Variants in REEP1 observed in about 807,000 individuals in gnomAD.
REEP1 encodes receptor expression-enhancing protein 1.
Under a neutral mutation model 40.3 loss-of-function variants are expected in REEP1, and 22 were observed. The observed-to-expected ratio is 0.55, with a 90% CI of 0.39 to 0.78. The LOEUF is 0.78. Ranked by LOEUF, REEP1 falls within the 30% of genes least tolerant of loss-of-function variation. The probability of loss-of-function intolerance (pLI) is 0.00; values close to 1 mark genes in which losing one functional copy is unlikely to be tolerated. For synonymous variants in REEP1, 116 were observed against 139.2 expected, an observed-to-expected ratio of 0.83 and a Z score of 1.17; for missense variants, 280 against 361.1, an observed-to-expected ratio of 0.78 and a Z score of 1.82.
At chr2:86,335,811 T>C (rs1392901449) in intron 1 of REEP1, among the ~76,000 whole-genome samples, 3 of 140,848 alleles carry the variant, frequency 2.1e-5, no homozygotes, top group Non-Finnish European at 4.5e-5. Context: ...ACTGTGCCAC[T>C]GCACTCTCCA....
chr2:86,260,751 G>A (rs562904884), intron 3 of REEP1, among the ~76,000 whole-genome samples: 1 of 152,264 alleles, frequency 6.6e-6, no homozygotes, highest in East Asian at 1.9e-4. Flanking sequence ...GGCCTGGAAG[G>A]GGAATCTTCT....
intron 1 of REEP1, among the ~76,000 whole-genome samples, chr2:86,302,097 C>T (rs1679277513): frequency 6.6e-6 from 1 of 152,250 alleles, no homozygotes; most frequent in Admixed American, 6.5e-5. Context: ...CTGCCTGCAG[C>T]TTGTGCCCAA....
chr2:86,284,077 G>A (rs1213241991), intron 1 of REEP1, among the ~76,000 whole-genome samples: 1 of 152,130 alleles, frequency 6.6e-6, no homozygotes, highest in Non-Finnish European at 1.5e-5. Context: ...GCAGGCCAAG[G>A]GGGAGGTGGC....
intron 1 of REEP1, among the ~76,000 whole-genome samples, chr2:86,305,594 T>C (rs1346476067): frequency 3.3e-5 from 5 of 152,206 alleles, no homozygotes; most frequent in Non-Finnish European, 7.3e-5. Context: ...AAATGTCTGA[T>C]TCAGCAGGTC....
chr2:86,298,286 C>G (rs10451631), intron 1 of REEP1, among the ~76,000 whole-genome samples: 16,088 of 152,160 alleles, frequency 0.11, 1,650 homozygotes, highest in African/African-American at 0.26. Context: ...CATGGAAGGG[C>G]AGATGTGGCA....
At chr2:86,259,134 C>T (rs933409570) in intron 3 of REEP1, among the ~76,000 whole-genome samples, 2 of 151,650 alleles carry the variant, frequency 1.3e-5, no homozygotes, top group African/African-American at 2.4e-5. Flanking sequence ...GGTGAAAATA[C>T]AAAAAATTAG....
intron 3 of REEP1, among the ~76,000 whole-genome samples, chr2:86,256,223 C>CTGTAATCCCAGCTACTCAGGGGGCTG (rs1676553401): frequency 1.3e-5 from 2 of 151,860 alleles, no homozygotes; most frequent in African/African-American, 4.8e-5. Flanking sequence ...TGGCGGGCAC[C>CTGTAATCCCAGCTACTCAGGGGGCTG]TGTAATCCCA....
chr2:86,306,684 G>T (rs1003640782), intron 1 of REEP1, among the ~76,000 whole-genome samples: 6 of 152,160 alleles, frequency 3.9e-5, no homozygotes, highest in African/African-American at 1.4e-4. Context: ...TTTGGTAGTA[G>T]TTCTCCTAAC....
At chr2:86,254,373 T>C (rs1469902601) in intron 4 of REEP1, among the ~76,000 whole-genome samples, 1 of 152,156 alleles carries the variant, frequency 6.6e-6, no homozygotes, top group African/African-American at 2.4e-5. Flanking sequence ...ATCATGTCTA[T>C]AAAAGGACAG....
At chr2:86,248,936 G>C (rs762989696) in intron 5 of REEP1, among the ~76,000 whole-genome samples, 1 of 152,036 alleles carries the variant, frequency 6.6e-6, no homozygotes, top group Middle Eastern at 3.2e-3. Flanking sequence ...GATTGATAAG[G>C]GCTCAGCCAG....
chr2:86,303,644 T>G (rs1417054526), intron 1 of REEP1, among the ~76,000 whole-genome samples: 1 of 152,044 alleles, frequency 6.6e-6, no homozygotes, highest in Non-Finnish European at 1.5e-5. Context: ...GTGTTACAGG[T>G]GTGAGCCCCA....
intron 1 of REEP1, among the ~76,000 whole-genome samples, chr2:86,300,017 T>C (rs1360768770): frequency 2.6e-5 from 4 of 152,020 alleles, no homozygotes; most frequent in African/African-American, 9.7e-5. Context: ...CAGACTGACA[T>C]GGCCAGGGGG....
intron 1 of REEP1, among the ~76,000 whole-genome samples, chr2:86,317,916 G>A (rs779117557): frequency 8.5e-5 from 13 of 152,152 alleles, no homozygotes; most frequent in African/African-American, 1.2e-4. Flanking sequence ...GATGAACTCC[G>A]GTTATTCAGA....
intron 5 of REEP1, among the ~76,000 whole-genome samples, chr2:86,244,629 C>T (rs1367634056): frequency 2.0e-5 from 3 of 152,060 alleles, no homozygotes. Context: ...GCTGAGTTTC[C>T]AGCTCCTGGT....
intron 1 of REEP1, among the ~76,000 whole-genome samples, chr2:86,332,570 C>T (rs1478433979): frequency 3.3e-5 from 5 of 152,060 alleles, no homozygotes; most frequent in Non-Finnish European, 7.4e-5. Flanking sequence ...CCCCAGGGCT[C>T]CTCCTCCCCC....
chr2:86,312,185 C>A (rs1679795726), intron 1 of REEP1, among the ~76,000 whole-genome samples: 4 of 152,204 alleles, frequency 2.6e-5, no homozygotes, highest in African/African-American at 9.7e-5. Flanking sequence ...CAACATCTAC[C>A]TTTACCACCT....
intron 7 of REEP1, 28 bp downstream of exon 7, chr2:86,227,335 G>C: frequency 8.1e-7 from 1 of 1,232,226 alleles, no homozygotes; most frequent in Non-Finnish European, 1.0e-6. Context: ...AGTCCAGCAC[G>C]CTGCGGAGAG....
At chr2:86,226,209 C>T (rs907195468) in intron 7 of REEP1, among the ~76,000 whole-genome samples, 5 of 151,860 alleles carry the variant, frequency 3.3e-5, no homozygotes, top group African/African-American at 1.2e-4. Flanking sequence ...ACTTTCACAA[C>T]AGCACAGTGA....
chr2:86,222,401 T>C (rs893163753), intron 7 of REEP1, among the ~76,000 whole-genome samples: 1 of 152,184 alleles, frequency 6.6e-6, no homozygotes, highest in Non-Finnish European at 1.5e-5. Context: ...AGGAAGAAGC[T>C]ACAGAGAGAA....
Sources: allele counts gnomAD v4.1 joint callset (sites outside exome capture counted in the v4.1 genomes callset), GRCh38; gene constraint gnomAD v4.1.1; transcripts MANE v1.5; gene names NCBI Gene and HGNC (gene_info 2026-07-23, HGNC 2026-07-21).